The following ZC3H14 variants were observed in gnomAD, a reference collection of about 807,000 sequenced individuals.
ZC3H14 encodes zinc finger CCCH-type containing 14.
ZC3H14 carries 31 observed loss-of-function variants against 92.4 expected under a neutral mutation model. The observed-to-expected ratio is 0.34, with a 90% CI of 0.25 to 0.45. The LOEUF (loss-of-function observed/expected upper bound fraction) is 0.45, where lower values mean the gene tolerates loss of function less well. ZC3H14 is among the 20% of genes least tolerant of loss of function. The probability of loss-of-function intolerance (pLI) is 1.00; values close to 1 mark genes in which losing one functional copy is unlikely to be tolerated. For synonymous variants in ZC3H14, 321 were observed against 300.9 expected (o/e 1.07, Z -0.69); for missense variants, 781 against 897.3 (o/e 0.87, Z 1.66).
At chr14:88,595,358 T>C (rs2083669218) in intron 9 of ZC3H14, among the ~76,000 whole-genome samples, 1 of 152,228 alleles carries the variant, frequency 6.6e-6, no homozygotes. Context: ...CCTAGAGCAA[T>C]GAAGCAAAAC....
In ZC3H14 at chr14:88,619,629, TTAAC is replaced by T. The variant is rs1405875993; in HGVS notation, c.*7883_*7886del. 6.6e-6 allele frequency: 1 copy of T among 152,272 alleles called. No individual in the cohort carries two copies. The highest frequency in any genetic ancestry group is 1.9e-4 in the East Asian group (1 of 5,202). The allele number at this position is 152,272 out of a possible 1,614,324, so 9.4% of individuals were successfully genotyped here. ...TATTAAGCAAAGAACACAGCCCAGC[TTAAC>T]TAACCTCCAGTTATTAAGGTGAAAT... is the stretch of plus-strand genomic sequence containing the variant. On this transcript the variant is annotated 3_prime_UTR_variant, in exon 17 of 17. Transcript: ENST00000251038.
chr14:88,603,076 A>G lies in ZC3H14; in HGVS notation c.1747+16A>G. ...TTTTCTAACGGTGTGTTGAGAGCTC[A>G]GATTTTCAGGGTGCTGTCATTGTGA... is the stretch of plus-strand genomic sequence containing the variant. On this transcript the variant is annotated intron_variant, in intron 12 of 16. Transcript: ENST00000251038. The G allele has an allele frequency of 6.2e-7, 1 of 1,611,300 alleles. No homozygotes were observed. Among genetic ancestry groups the G allele is most frequent in the South Asian group, 1.1e-5 (1 of 91,008 alleles).
chr14:88,626,284 A>T lies in ZC3H14; in HGVS notation c.*14533A>T, dbSNP rs2089929174. The T allele has an allele frequency of 6.6e-6, 1 of 152,588 alleles. No individual in the cohort carries two copies. Among genetic ancestry groups the T allele is most frequent in the African/African-American group, 2.4e-5 (1 of 41,562 alleles). 9.5% of individuals were successfully genotyped at this position (152,588 alleles called of 1,614,324 possible). On this transcript the variant is annotated 3_prime_UTR_variant, in exon 17 of 17. Coordinates refer to ENST00000251038, the MANE Select transcript of ZC3H14 (RefSeq NM_024824.5). ...GGATATTTAGGGTGACAATTAGAAG[A>T]TTAAGGAAGGCTTTTGAGTATAACA...
Position 88,610,934 on chromosome 14 carries a change from A to C in ZC3H14, c.2198A>C (p.Gln733Pro), listed in dbSNP as rs1277389988. ...PRHALKWIRP[Q>P]TSE ...CATGCCTTGAAATGGATTCGACCTCAAACCAGGTAAACATTCAAATTCGTT... is the reference window on the plus strand; with the variant it reads ...CATGCCTTGAAATGGATTCGACCTCCAACCAGGTAAACATTCAAATTCGTT... Residue 733 changes from glutamine (Q) to proline (P), a missense_variant, in exon 16 of 17, where the codon CAA (glutamine) becomes CCA (proline). Physicochemically the swap from Gln to Pro is moderately conservative, Grantham distance 76. Transcript: ENST00000251038. The C allele has an allele frequency of 1.6e-5, 26 of 1,613,668 alleles. No homozygotes were observed. Among genetic ancestry groups the C allele is most frequent in the Non-Finnish European group, 2.2e-5 (26 of 1,179,672 alleles).
At chr14:88,578,229 C>T in intron 9 of ZC3H14, 89 bp downstream of exon 9, 1 of 1,495,766 alleles carries the variant, frequency 6.7e-7, no homozygotes, top group South Asian at 1.2e-5. Flanking sequence ...AAATATTACA[C>T]TATGAAAAAA....
At chr14:88,569,429 T>C (rs1340141490) in intron 3 of ZC3H14, among the ~76,000 whole-genome samples, 1 of 152,188 alleles carries the variant, frequency 6.6e-6, no homozygotes, top group Admixed American at 6.5e-5. Flanking sequence ...ATAGGCAACT[T>C]TGCTTTTATA....
chr14:88,605,409 G>A (rs766572378), intron 12 of ZC3H14, among the ~76,000 whole-genome samples: 2 of 152,200 alleles, frequency 1.3e-5, no homozygotes, highest in Non-Finnish European at 2.9e-5. Flanking sequence ...ATGGCTCACT[G>A]CAGCCTCCAC....
chr14:88,563,804 C>T (rs2079202160), intron 2 of ZC3H14, 111 bp downstream of exon 2: 1 of 1,043,848 alleles, frequency 9.6e-7, no homozygotes, highest in East Asian at 2.4e-5. Context: ...AGACTCCCTT[C>T]TACCTTCTTC....
At position 88,624,042 on chromosome 14, in the gene ZC3H14, A is replaced by ACTT. The variant is rs1197230725; in HGVS notation, c.*12295_*12297dup. The ACTT allele has an allele frequency of 6.6e-6, 1 of 152,058 alleles. No individual in the cohort carries two copies. Among genetic ancestry groups the ACTT allele is most frequent in the African/African-American group, 2.4e-5 (1 of 41,390 alleles). 9.4% of individuals were successfully genotyped at this position (152,058 alleles called of 1,614,324 possible). On this transcript the variant is annotated 3_prime_UTR_variant, in exon 17 of 17. Transcript: ENST00000251038. ...TTCTTTCAATCCTGTATTGAAATGT[A>ACTT]CTTCTTAGTCAACTATATGTCACAT...
Position 88,611,833 on chromosome 14 carries a change from A to ATCTT in ZC3H14, c.*84_*87dup. The ATCTT allele has an allele frequency of 1.9e-6, 3 of 1,580,060 alleles. No individual in the cohort carries two copies. The highest frequency in any genetic ancestry group is 2.6e-6 in the Non-Finnish European group (3 of 1,153,208). ...AAAGATACTCTACAGAACTTGTCAA[A>ATCTT]TCTTTGAAACTTGGAATATATTGCT... On this transcript the variant is annotated 3_prime_UTR_variant, in exon 17 of 17. Transcript: ENST00000251038.
intron 2 of ZC3H14, among the ~76,000 whole-genome samples, chr14:88,565,548 A>G (rs886723891): frequency 6.6e-6 from 1 of 152,212 alleles, no homozygotes; most frequent in Non-Finnish European, 1.5e-5. Context: ...TAAATAACCA[A>G]TGCATAATAT....
intron 3 of ZC3H14, among the ~76,000 whole-genome samples, chr14:88,568,617 A>G (rs1289447264): frequency 6.6e-6 from 1 of 152,136 alleles, no homozygotes; most frequent in Non-Finnish European, 1.5e-5. Context: ...ACAGGTGGGG[A>G]TTACAATTCA....
Position 88,617,081 on chromosome 14 carries a change from G to A in ZC3H14, c.*5330G>A, listed in dbSNP as rs1302718560. 1 of 453,552 alleles carries A rather than the reference G, an allele frequency of 2.2e-6. No homozygotes were observed. Among genetic ancestry groups the A allele is most frequent in the East Asian group, 3.2e-5 (1 of 31,492 alleles). 28.1% of individuals were successfully genotyped at this position (453,552 alleles called of 1,614,324 possible). On this transcript the variant is annotated 3_prime_UTR_variant, in exon 17 of 17. Coordinates refer to ENST00000251038, the MANE Select transcript of ZC3H14 (RefSeq NM_024824.5). ...TTTTAAAAATGACATTTTATAATTTGAAGGGTTTCTAGATTAATCTTTTTA... is the reference window on the plus strand; with the variant it reads ...TTTTAAAAATGACATTTTATAATTTAAAGGGTTTCTAGATTAATCTTTTTA...
chr14:88,569,206 C>T (rs1224730056), intron 3 of ZC3H14, among the ~76,000 whole-genome samples: 1 of 152,152 alleles, frequency 6.6e-6, no homozygotes, highest in Non-Finnish European at 1.5e-5. Flanking sequence ...CCACCAAAAC[C>T]AGTTACAGAT....
In ZC3H14 at chr14:88,563,086, G is replaced by C. The variant is rs752594288; in HGVS notation, c.-48G>C. ...GGGTAGGAGTCCGCGGCAGCCTCCGGGTAAGCCAAGCGCCGCGCAGTGCTG... is the reference window on the plus strand; with the variant it reads ...GGGTAGGAGTCCGCGGCAGCCTCCGCGTAAGCCAAGCGCCGCGCAGTGCTG... On this transcript the variant is annotated 5_prime_UTR_variant, in exon 1 of 17. Transcript: ENST00000251038. 4 of 1,557,540 alleles carry C rather than the reference G, an allele frequency of 2.6e-6. No individual in the cohort carries two copies. Among genetic ancestry groups the C allele is most frequent in the East Asian group, 4.8e-5 (2 of 41,752 alleles).
In ZC3H14 at chr14:88,618,801, T is replaced by C. The variant is rs1403194655; in HGVS notation, c.*7050T>C. 1.4e-5 allele frequency: 22 copies of C among 1,586,978 alleles called. No homozygotes were observed. Among genetic ancestry groups the C allele is most frequent in the Admixed American group, 1.8e-5 (1 of 56,202 alleles). On this transcript the variant is annotated 3_prime_UTR_variant, in exon 17 of 17. Transcript: ENST00000251038. ...AGAACCTACTGCCAGATACCGGGAA[T>C]CCGGACTAAATCTGAATCAAAACAA... is the stretch of plus-strand genomic sequence containing the variant.
chr14:88,608,510 T>C (rs2085988884), intron 13 of ZC3H14: 1 of 259,000 alleles, frequency 3.9e-6, no homozygotes, highest in Non-Finnish European at 7.6e-6. Context: ...GCGTATTTCT[T>C]GTTCATGTAT....
At position 88,621,260 on chromosome 14, in the gene ZC3H14, T is replaced by C. The variant is rs182692650; in HGVS notation, c.*9509T>C. 6.2e-7 allele frequency: 1 copy of C among 1,613,916 alleles called. No homozygotes were observed. The highest frequency in any genetic ancestry group is 1.3e-5 in the African/African-American group (1 of 75,046). ...TACAAGCTGCATTTTTCTCTCCAAC[T>C]TCGATTATTTCAGCATTCCTTGTCC... On this transcript the variant is annotated 3_prime_UTR_variant, in exon 17 of 17. Transcript: ENST00000251038.
chr14:88,624,723 T>C lies in ZC3H14; in HGVS notation c.*12972T>C. 1 of 446,148 alleles carries C rather than the reference T, an allele frequency of 2.2e-6. No homozygotes were observed. Among genetic ancestry groups the C allele is most frequent in the South Asian group, 2.9e-5 (1 of 34,470 alleles). 27.6% of individuals were successfully genotyped at this position (446,148 alleles called of 1,614,324 possible). On this transcript the variant is annotated 3_prime_UTR_variant, in exon 17 of 17. Coordinates refer to ENST00000251038, the MANE Select transcript of ZC3H14 (RefSeq NM_024824.5). ...CAGACATTAAGAAAAGTAACTCAAC[T>C]TGTAGGACAACTACCTATCCACACC...
Sources: gnomAD v4.1 joint callset for allele counts (sites outside exome capture counted in the v4.1 genomes callset) on GRCh38, gnomAD v4.1.1 for gene constraint, MANE v1.5 for transcripts, NCBI Gene and HGNC (gene_info 2026-07-23, HGNC 2026-07-21) for gene names.